Variants in ASB3 observed in about 807,000 individuals in gnomAD.
The protein encoded by ASB3 is ankyrin repeat and SOCS box protein 3.
ASB3 carries 41 observed loss-of-function variants against 54.5 expected under a neutral mutation model. That is an observed-to-expected ratio of 0.75 (90% CI 0.59 to 0.98). The LOEUF (loss-of-function observed/expected upper bound fraction) is 0.98, where lower values mean the gene tolerates loss of function less well. ASB3 is among the 50% of genes least tolerant of loss of function. The pLI is 0.00. For missense variants in ASB3, 733 were observed against 620.0 expected, an observed-to-expected ratio of 1.18 and a Z score of -1.94; for synonymous variants, 266 against 221.2, an observed-to-expected ratio of 1.20 and a Z score of -1.80.
At chr2:53,747,139 CTAATAA>C (rs1000000715) in intron 3 of ASB3, among the ~76,000 whole-genome samples, 4 of 151,848 alleles carry the variant, frequency 2.6e-5, no homozygotes, top group Non-Finnish European at 4.4e-5. Flanking sequence ...AAATGGGACT[CTAATAA>C]TAATAATAAT....
At chr2:53,728,565 A>G in intron 5 of ASB3, 147 bp downstream of exon 5, 1 of 1,101,622 alleles carries the variant, frequency 9.1e-7, no homozygotes, top group African/African-American at 1.6e-5. Flanking sequence ...AGGTTTATAA[A>G]TCAATTTGTA....
At chr2:53,722,512 T>C (rs1325624484) in intron 5 of ASB3, among the ~76,000 whole-genome samples, 3 of 152,094 alleles carry the variant, frequency 2.0e-5, no homozygotes, top group Non-Finnish European at 4.4e-5. Context: ...AGAAACAAGG[T>C]TGGTTCCATA....
chr2:53,690,562 T>A (rs1018100644), intron 9 of ASB3, among the ~76,000 whole-genome samples: 4 of 152,102 alleles, frequency 2.6e-5, no homozygotes, highest in African/African-American at 9.7e-5. Flanking sequence ...GAGGAATGGG[T>A]TTATTTTATC....
chr2:53,759,106 G>A (rs1296720909), intron 2 of ASB3, among the ~76,000 whole-genome samples: 2 of 152,184 alleles, frequency 1.3e-5, no homozygotes, highest in East Asian at 3.9e-4. Context: ...GGCAATCTCT[G>A]GTATCTCAGT....
At chr2:53,782,088 G>A (rs1289756661) in intron 1 of ASB3, among the ~76,000 whole-genome samples, 1 of 152,120 alleles carries the variant, frequency 6.6e-6, no homozygotes, top group Non-Finnish European at 1.5e-5. Flanking sequence ...GTGATGGGAG[G>A]ATCGCTTGAG....
intron 9 of ASB3, among the ~76,000 whole-genome samples, chr2:53,689,935 C>T (rs981319901): frequency 2.0e-5 from 3 of 152,144 alleles, no homozygotes; most frequent in Admixed American, 1.3e-4. Context: ...TGTACTACTA[C>T]TAAAAACTAA....
intron 2 of ASB3, among the ~76,000 whole-genome samples, chr2:53,751,267 T>C (rs1381134123): frequency 6.6e-6 from 1 of 152,184 alleles, no homozygotes; most frequent in Non-Finnish European, 1.5e-5. Context: ...GCACTAAATA[T>C]TTGCTTAAAC....
chr2:53,722,295 A>T (rs1438902152), intron 5 of ASB3, among the ~76,000 whole-genome samples: 3 of 152,194 alleles, frequency 2.0e-5, no homozygotes, highest in African/African-American at 7.2e-5. Context: ...CCAAAAATCA[A>T]GGAGGAGAGA....
intron 3 of ASB3, among the ~76,000 whole-genome samples, chr2:53,732,356 T>C (rs150584412): frequency 1.5e-4 from 23 of 152,046 alleles, no homozygotes; most frequent in Non-Finnish European, 2.5e-4. Context: ...CTGAAAATAA[T>C]AGTAATAATT....
intron 9 of ASB3, among the ~76,000 whole-genome samples, chr2:53,680,927 C>T (rs1668337989): frequency 6.6e-6 from 1 of 152,042 alleles, no homozygotes; most frequent in African/African-American, 2.4e-5. Flanking sequence ...CTTTGTATCT[C>T]CATGAATTCA....
intron 8 of ASB3, among the ~76,000 whole-genome samples, chr2:53,699,102 G>T (rs1327583378): frequency 6.6e-6 from 1 of 152,176 alleles, no homozygotes; most frequent in South Asian, 2.1e-4. Context: ...CCCATCTGAT[G>T]AGGGCCTTCT....
Position 53,710,062 on chromosome 2 carries a change from A to G in ASB3, c.980+4322T>C, listed in dbSNP as rs1035067188. 2.6e-4 allele frequency among the ~76,000 whole-genome samples: 40 copies of G among 152,294 alleles called. 1 individual carries two copies. Among genetic ancestry groups the G allele is most frequent in the Non-Finnish European group, 5.6e-4 (38 of 68,032 alleles). On this transcript the variant is annotated intron_variant, in intron 7 of 9. Transcript: ENST00000263634. ...TCCCCTGGCTCCTGTCAAGCTTGCT[A>G]ATGACTGTAGCTTCATCTGATATTT...
chr2:53,712,391 A>C (rs1397918028), intron 7 of ASB3, among the ~76,000 whole-genome samples: 1 of 152,198 alleles, frequency 6.6e-6, no homozygotes, highest in African/African-American at 2.4e-5. Flanking sequence ...TCTACATAAC[A>C]AAATGGTCAA....
chr2:53,754,535 T>C (rs1344867713), intron 2 of ASB3, among the ~76,000 whole-genome samples: 1 of 152,130 alleles, frequency 6.6e-6, no homozygotes, highest in East Asian at 1.9e-4. Context: ...TAGAAAAAAA[T>C]ATATTAAGCT....
intron 1 of ASB3, among the ~76,000 whole-genome samples, chr2:53,773,814 C>A (rs1358902431): frequency 1.3e-5 from 2 of 151,788 alleles, no homozygotes; most frequent in Non-Finnish European, 2.9e-5. Context: ...GCAGGTGGAT[C>A]ACTTGAGGTC....
At chr2:53,772,077 GTTTT>G (rs954986506) in intron 1 of ASB3, 8 of 579,134 alleles carry the variant, frequency 1.4e-5, no homozygotes, top group East Asian at 9.7e-5. Flanking sequence ...GTATTTGTGG[GTTTT>G]TTTTGTGTTT....
chr2:53,708,385 A>C (rs1028269204), intron 7 of ASB3, among the ~76,000 whole-genome samples: 1 of 152,238 alleles, frequency 6.6e-6, no homozygotes, highest in Non-Finnish European at 1.5e-5. Flanking sequence ...AACCTGTGGA[A>C]CTATGGGCCA....
intron 9 of ASB3, among the ~76,000 whole-genome samples, chr2:53,691,132 C>G (rs981940964): frequency 3.9e-5 from 6 of 152,136 alleles, no homozygotes; most frequent in Non-Finnish European, 8.8e-5. Flanking sequence ...GTATACATTT[C>G]CTTTCTGATG....
At chr2:53,755,804 G>T (rs535532675) in intron 2 of ASB3, among the ~76,000 whole-genome samples, 1 of 152,088 alleles carries the variant, frequency 6.6e-6, no homozygotes, top group African/African-American at 2.4e-5. Context: ...GAAAATACCC[G>T]AAACACATAT....
Sources: allele counts gnomAD v4.1 joint callset (sites outside exome capture counted in the v4.1 genomes callset), GRCh38; gene constraint gnomAD v4.1.1; transcripts MANE v1.5; gene names NCBI Gene and HGNC (gene_info 2026-07-23, HGNC 2026-07-21).